VPS35: variants seen among roughly 807,000 people sequenced by gnomAD.
VPS35 encodes the protein vacuolar protein sorting-associated protein 35.
In VPS35, 21 loss-of-function variants were observed where a neutral mutation model predicts 98.1. The observed-to-expected ratio is 0.21, with a 90% CI of 0.15 to 0.31. The LOEUF (loss-of-function observed/expected upper bound fraction) is 0.31. Ranked by LOEUF, VPS35 falls within the 10% of genes least tolerant of loss-of-function variation. The probability of loss-of-function intolerance (pLI) is 1.00; values close to 1 mark genes in which losing one functional copy is unlikely to be tolerated. For synonymous variants in VPS35, 268 were observed against 318.2 expected (o/e 0.84, Z 1.68); for missense variants, 554 against 950.8 (o/e 0.58, Z 5.49).
chr16:46,666,466 C>T, intron 13 of VPS35, among the ~76,000 whole-genome samples: 1 of 152,014 alleles, frequency 6.6e-6, no homozygotes, highest in South Asian at 2.1e-4. Context: ...CGGGGTTTCT[C>T]CATGTTGGTC....
chr16:46,659,797 T>C lies in VPS35; in HGVS notation c.*675A>G, dbSNP rs1468672014. ...ATTATATAGATCACAAGTTTTCTTT[T>C]ATACTATTTAAAACCCAATTATATT... On this transcript the variant is annotated 3_prime_UTR_variant, in exon 17 of 17. Transcript: ENST00000299138. The C allele has an allele frequency of 6.6e-6, 1 of 152,236 alleles. No individual in the cohort carries two copies. The highest frequency in any genetic ancestry group is 2.4e-5 in the African/African-American group (1 of 41,466). 9.4% of individuals were successfully genotyped at this position (152,236 alleles called of 1,614,324 possible). A position where few individuals can be genotyped will look rare whatever the true frequency, so the allele number is the denominator to read the frequency against.
At chr16:46,681,790 C>T (rs1179301547) in intron 3 of VPS35, 1 of 538,068 alleles carries the variant, frequency 1.9e-6, no homozygotes, top group Non-Finnish European at 3.3e-6. Context: ...TGCTGCATAA[C>T]AAAATCTAAG....
rs1354063234 is a variant in VPS35 at position 46,676,706 on chromosome 16, G to A, written c.805-14C>T. On this transcript the variant is annotated splice_polypyrimidine_tract_variant and intron_variant, in intron 7 of 16. Coordinates refer to ENST00000299138, the MANE Select transcript of VPS35 (RefSeq NM_018206.6). ...ATCAGGGAAAACCTGAAAATCAAAT[G>A]ATCAATACAAATAAAAGTATTTCAC... 1 of 1,534,846 alleles carries A rather than the reference G, an allele frequency of 6.5e-7. No individual in the cohort carries two copies.
At chr16:46,669,260 G>A in intron 12 of VPS35, 1 of 629,228 alleles carries the variant, frequency 1.6e-6, no homozygotes. Flanking sequence ...AAATGGGGAA[G>A]CCTGAGTTTC....
intron 1 of VPS35, among the ~76,000 whole-genome samples, chr16:46,687,643 T>A (rs1214423040): frequency 6.6e-6 from 1 of 152,038 alleles, no homozygotes; most frequent in East Asian, 1.9e-4. Context: ...GCCTCTTAAG[T>A]TCGACATTGG....
Position 46,671,645 on chromosome 16 carries a change from A to G in VPS35, c.1524+60T>C, listed in dbSNP as rs1179949989. ...GAAAGTGAATTAAACCATTTTAAGC[A>G]CTTGAACATGTGATTTCACTAGGAG... On this transcript the variant is annotated intron_variant, in intron 12 of 16. Coordinates refer to ENST00000299138, the MANE Select transcript of VPS35 (RefSeq NM_018206.6). The G allele has an allele frequency of 2.5e-6, 4 of 1,605,232 alleles. No individual in the cohort carries two copies. In the African/African-American group the frequency reaches 4.0e-5, roughly 16 times the overall value.
At chr16:46,688,030 TG>T (rs1966349416) in intron 1 of VPS35, among the ~76,000 whole-genome samples, 1 of 152,214 alleles carries the variant, frequency 6.6e-6, no homozygotes, top group Non-Finnish European at 1.5e-5. Context: ...AGTTAAATTT[TG>T]CGCCGGTCTT....
In VPS35 at chr16:46,659,186, CAAG is replaced by C. The variant is rs1965872117; in HGVS notation, c.*1283_*1285del. Reference sequence around the variant, plus strand: ...GGAGAGGAACTGGGGCCTCTGCCCTCAAGAAGAGGAACTGGGGCCTCTGCCTAA... The same window carrying C: ...GGAGAGGAACTGGGGCCTCTGCCCTCAAGAGGAACTGGGGCCTCTGCCTAA... On this transcript the variant is annotated 3_prime_UTR_variant, in exon 17 of 17. Coordinates refer to ENST00000299138, the MANE Select transcript of VPS35 (RefSeq NM_018206.6). The C allele has an allele frequency of 6.6e-6, 1 of 152,250 alleles. No individual in the cohort carries two copies. The highest frequency in any genetic ancestry group is 2.1e-4 in the South Asian group (1 of 4,830). The allele number at this position is 152,250 out of a possible 1,614,324, so 9.4% of individuals were successfully genotyped here. A position where few individuals can be genotyped will look rare whatever the true frequency, so the allele number is the denominator to read the frequency against.
rs1555465774 is a variant in VPS35 at position 46,671,838 on chromosome 16, A to G, written c.1391T>C (p.Val464Ala). ...TGGCTGATCTTGAATCAACGTGGATACCAAATTCATTATGGAATCCACCTG... is the reference window on the plus strand; with the variant it reads ...TGGCTGATCTTGAATCAACGTGGATGCCAAATTCATTATGGAATCCACCTG... ...QDQVDSIMNL[V>A]STLIQDQPDQ... is the part of the protein sequence containing the mutation. Residue 464 changes from valine to alanine, a missense_variant, in exon 12 of 17, where the codon GTA becomes GCA. Around this residue, in one of 5 missense-constraint regions of VPS35, gnomAD observed 254 missense variants for 390.1 expected, o/e 0.65. Transcript: ENST00000299138. 2 of 1,613,036 alleles carry G rather than the reference A, an allele frequency of 1.2e-6. No individual in the cohort carries two copies. The highest frequency in any genetic ancestry group is 2.2e-5 in the South Asian group (2 of 91,018).
chr16:46,657,860 A>C lies in VPS35; in HGVS notation c.*2612T>G, dbSNP rs915215686. The C allele has an allele frequency of 2.0e-5, 3 of 152,186 alleles. No individual in the cohort carries two copies. The highest frequency in any genetic ancestry group is 7.2e-5 in the African/African-American group (3 of 41,430). 9.4% of individuals were successfully genotyped at this position (152,186 alleles called of 1,614,324 possible). ...TGGAATTTAATGCCATTCAGCACCAAGCCTGCCCTGGTTCAGCGTTTCCAT... is the reference window on the plus strand; with the variant it reads ...TGGAATTTAATGCCATTCAGCACCACGCCTGCCCTGGTTCAGCGTTTCCAT... On this transcript the variant is annotated 3_prime_UTR_variant, in exon 17 of 17. Coordinates refer to ENST00000299138, the MANE Select transcript of VPS35 (RefSeq NM_018206.6).
chr16:46,664,157 T>G (rs1402331642), intron 13 of VPS35, among the ~76,000 whole-genome samples: 1 of 152,146 alleles, frequency 6.6e-6, no homozygotes, highest in Non-Finnish European at 1.5e-5. Context: ...TTCCTTTCTT[T>G]TTTTCTATGT....
chr16:46,659,929 T>C lies in VPS35; in HGVS notation c.*543A>G, dbSNP rs1211659789. On this transcript the variant is annotated 3_prime_UTR_variant, in exon 17 of 17. Coordinates refer to ENST00000299138, the MANE Select transcript of VPS35 (RefSeq NM_018206.6). ...CATGGTGCTTTAAAATTCTCAAACA[T>C]GCATTAATATATTCTAGTTTTAGGG... 6.6e-6 allele frequency: 1 copy of C among 152,492 alleles called. No individual in the cohort carries two copies. Among genetic ancestry groups the C allele is most frequent in the East Asian group, 1.9e-4 (1 of 5,214 alleles). The allele number at this position is 152,492 out of a possible 1,614,324, so 9.4% of individuals were successfully genotyped here. A position where few individuals can be genotyped will look rare whatever the true frequency, so the allele number is the denominator to read the frequency against.
Position 46,658,354 on chromosome 16 carries a change from G to A in VPS35, c.*2118C>T, listed in dbSNP as rs1965860523. The A allele has an allele frequency of 6.5e-6, 1 of 153,690 alleles. No homozygotes were observed. Among genetic ancestry groups the A allele is most frequent in the Non-Finnish European group, 1.5e-5 (1 of 68,040 alleles). The allele number at this position is 153,690 out of a possible 1,614,324, so 9.5% of individuals were successfully genotyped here. On this transcript the variant is annotated 3_prime_UTR_variant, in exon 17 of 17. Coordinates refer to ENST00000299138, the MANE Select transcript of VPS35 (RefSeq NM_018206.6). ...CAGACTAACGTTCTTGAAGCTAGAG[G>A]CTATGATCTTCTTCACCTTTAGATT...
intron 13 of VPS35, among the ~76,000 whole-genome samples, chr16:46,666,017 C>A (rs1040210428): frequency 6.6e-6 from 1 of 152,222 alleles, no homozygotes; most frequent in African/African-American, 2.4e-5. Context: ...GATTCTCCTG[C>A]CTCAGCTTCC....
intron 5 of VPS35, 30 bp from the exon 6 acceptor site, chr16:46,679,186 G>A (rs1467592728): frequency 3.2e-6 from 5 of 1,555,514 alleles, no homozygotes; most frequent in Non-Finnish European, 4.4e-6. Flanking sequence ...TCTTTACACA[G>A]TATTTACAGG....
intron 2 of VPS35, 30 bp downstream of exon 2, chr16:46,683,472 GAACTGC>G (rs1567269629): frequency 6.3e-7 from 1 of 1,588,362 alleles, no homozygotes; most frequent in East Asian, 2.2e-5. Flanking sequence ...AGGAACACAC[GAACTGC>G]AACTGTGCCT....
rs539474321 is a variant in VPS35, at chr16:46,689,005, C to A, written c.3+126G>T. 18 of 1,547,142 alleles carry A rather than the reference C, an allele frequency of 1.2e-5. No individual in the cohort carries two copies. In the African/African-American group the frequency reaches 2.2e-4, roughly 19 times the overall value. On this transcript the variant is annotated intron_variant, in intron 1 of 16. Coordinates refer to ENST00000299138, the MANE Select transcript of VPS35 (RefSeq NM_018206.6). ...CTGTCCCCTATCCCGCAGGCCAAAT[C>A]GGGCTGGTCTTAATCCCGAACGGTC...
intron 13 of VPS35, 106 bp downstream of exon 13, chr16:46,668,820 ACTGT>A (rs747579647): frequency 1.4e-4 from 202 of 1,455,178 alleles, no homozygotes; most frequent in Non-Finnish European, 1.8e-4. Flanking sequence ...TTATTATACC[ACTGT>A]CTATTTTTGT....
chr16:46,673,380 G>T (rs1966095427), intron 10 of VPS35: 1 of 152,064 alleles, frequency 6.6e-6, no homozygotes, highest in Non-Finnish European at 1.5e-5. Flanking sequence ...ACAAAGGGAG[G>T]AAAAAAAGAA....
Sources: gnomAD v4.1 joint callset for allele counts (sites outside exome capture counted in the v4.1 genomes callset) on GRCh38, gnomAD v4.1.1 for gene constraint, gnomAD v4.1.1 regional missense constraint, MANE v1.5 for transcripts, NCBI Gene and HGNC (gene_info 2026-07-23, HGNC 2026-07-21) for gene names.